Variants in STRA6 observed in about 807,000 individuals in gnomAD.
STRA6 encodes the protein signaling receptor and transporter of retinol STRA6.
In STRA6, 48 loss-of-function variants were observed where a neutral mutation model predicts 83.6. The ratio of observed to expected loss-of-function variants is 0.57; its 90% CI spans 0.46 to 0.73. STRA6 has a LOEUF of 0.73. Among genes scored for constraint, STRA6 ranks in the 30% least tolerant of loss-of-function variants. The pLI is 0.00. For missense variants in STRA6, 760 were observed against 838.8 expected, an observed-to-expected ratio of 0.91 and a Z score of 1.16; for synonymous variants, 353 against 362.3, an observed-to-expected ratio of 0.97 and a Z score of 0.29.
upstream of STRA6, chr15:74,203,000 T>G (rs1391734757): frequency 3.1e-6 from 3 of 955,652 alleles, no homozygotes; most frequent in Non-Finnish European, 3.7e-6. Flanking sequence ...TTCACACACA[T>G]ACCTGCCTTC....
intron 13 of STRA6, 126 bp from the exon 14 acceptor site, chr15:74,184,115 C>T: frequency 2.8e-6 from 4 of 1,425,294 alleles, no homozygotes; most frequent in Non-Finnish European, 3.8e-6. Context: ...CAGGGAAGCC[C>T]AGAACTGTGG....
upstream of STRA6, among the ~76,000 whole-genome samples, chr15:74,205,511 A>G (rs1051680192): frequency 6.6e-6 from 1 of 152,208 alleles, no homozygotes; most frequent in Admixed American, 6.5e-5. Context: ...TACCACAGGG[A>G]GGGCACCAAG....
upstream of STRA6, among the ~76,000 whole-genome samples, chr15:74,204,383 A>G (rs1456505720): frequency 6.6e-6 from 1 of 152,170 alleles, no homozygotes; most frequent in East Asian, 1.9e-4. Flanking sequence ...GCCAGTATTC[A>G]TTTGTGGGCC....
chr15:74,195,712 G>T, intron 5 of STRA6, 37 bp from the exon 6 acceptor site: 2 of 1,108,452 alleles, frequency 1.8e-6, no homozygotes, highest in Non-Finnish European at 2.7e-6. Context: ...ATTAGCAAGG[G>T]CAAAATGAGA....
chr15:74,193,923 C>G lies in STRA6; in HGVS notation c.598-1G>C. On this transcript the variant is annotated splice_acceptor_variant, in intron 7 of 18. Transcript: ENST00000395105. LOFTEE classifies it high-confidence loss of function. ...CCAGCAGGGAGTAGTACTTGTAGAT[C>G]TGGACAGACAAACACCCAGACAGAC... 1.2e-6 allele frequency: 2 copies of G among 1,613,188 alleles called. No individual in the cohort carries two copies. The highest frequency in any genetic ancestry group is 2.2e-5 in the South Asian group (2 of 91,066).
chr15:74,197,730 G>A (rs1184735453), intron 3 of STRA6, 22 bp downstream of exon 3: 2 of 1,612,468 alleles, frequency 1.2e-6, no homozygotes, highest in Non-Finnish European at 8.5e-7. Context: ...TGCAAGCCAG[G>A]TTCAACTTGG....
In STRA6 at chr15:74,208,902, A is replaced by T. The variant is rs142657944; in HGVS notation, c.-118T>A. Reference sequence around the variant, plus strand: ...CCCTCCAGGCAAGCAGGGTGCTCCCAACACGGGGCCTTCTCCTCTGAGCCC... The same window carrying T: ...CCCTCCAGGCAAGCAGGGTGCTCCCTACACGGGGCCTTCTCCTCTGAGCCC... On this transcript the variant is annotated 5_prime_UTR_variant, in exon 1 of 19. Coordinates refer to the STRA6 transcript ENST00000323940. 3.4e-3 allele frequency: 3,372 copies of T among 989,928 alleles called. 4 individuals carry two copies. Among genetic ancestry groups the T allele is most frequent in the Non-Finnish European group, 3.9e-3 (3,223 of 833,330 alleles). 61.3% of individuals were successfully genotyped at this position (989,928 alleles called of 1,614,324 possible).
Position 74,183,896 on chromosome 15 carries a change from C to G in STRA6, c.1260G>C (p.Trp420Cys), listed in dbSNP as rs772736406. The G allele has an allele frequency of 6.2e-6, 10 of 1,614,126 alleles. No homozygotes were observed. The highest frequency in any genetic ancestry group is 7.6e-6 in the Non-Finnish European group (9 of 1,180,038). ...CTGTCTGGTAGGCACTGAAGCTCAT[C>G]CAACAGAATATGGCTTGGCGGGAGG... ...PHPSRQAIFC[W>C]MSFSAYQTAF... The change falls in exon 14 of 19, where the codon TGG (tryptophan) becomes TGC (cysteine). Residue 420 changes from tryptophan to cysteine, a missense_variant. Coordinates refer to ENST00000395105, the MANE Select transcript of STRA6 (RefSeq NM_022369.4).
upstream of STRA6, among the ~76,000 whole-genome samples, chr15:74,205,719 C>A (rs577619350): frequency 2.6e-5 from 4 of 152,314 alleles, no homozygotes; most frequent in South Asian, 8.3e-4. Context: ...GAAAGGGACC[C>A]CAGCTGAGCC....
upstream of STRA6, chr15:74,209,707 G>T (rs1033358757): frequency 3.8e-5 from 18 of 472,340 alleles, no homozygotes; most frequent in Non-Finnish European, 6.4e-5. Context: ...CCTGAGCACA[G>T]GCTCTCCCTA....
At chr15:74,181,848 C>A (rs1222598445) in intron 16 of STRA6, among the ~76,000 whole-genome samples, 1 of 152,184 alleles carries the variant, frequency 6.6e-6, no homozygotes, top group Non-Finnish European at 1.5e-5. Context: ...ACAGGGAACT[C>A]CCTTGCTACA....
chr15:74,190,962 C>G (rs753096115), intron 10 of STRA6, 61 bp from the exon 11 acceptor site: 5 of 1,609,934 alleles, frequency 3.1e-6, no homozygotes, highest in African/African-American at 1.3e-5. Flanking sequence ...GAGCCCTCCT[C>G]CCTCCCAAGG....
In STRA6 at chr15:74,189,272, G is replaced by A; in HGVS notation, c.933C>T (p.Ala311=). The change falls in exon 12 of 19, where the codon GCC becomes GCT. Residue 311 remains alanine, a synonymous_variant. Transcript: ENST00000395105. ...TLTGTAIYQV[A]LLLLVGVVPT... is the part of the protein sequence containing the mutation. ...GTACCACGCCCACCAGCAGCAGCAG[G>A]GCCACCTGGAAGAGCCCCACAGTGA... 1 of 1,595,084 alleles carries A rather than the reference G, an allele frequency of 6.3e-7. No individual in the cohort carries two copies. Among genetic ancestry groups the A allele is most frequent in the Non-Finnish European group, 8.5e-7 (1 of 1,170,858 alleles).
chr15:74,202,262 C>A lies in STRA6; in HGVS notation c.6G>T (p.Ser2=), dbSNP rs143708162. 9 of 1,542,550 alleles carry A rather than the reference C, an allele frequency of 5.8e-6. No homozygotes were observed. Among genetic ancestry groups the A allele is most frequent in the Non-Finnish European group, 7.0e-6 (8 of 1,150,842 alleles). ...AGGTCTGGTTCCCTGCTGGCTGGGA[C>A]GACATTCTCTGGCCCTTCTCCTTTG... M[S]SQPAGNQTSP... is the part of the protein sequence containing the mutation. The change falls in exon 2 of 19, where the codon TCG becomes TCT. Residue 2 remains serine, a synonymous_variant. Transcript: ENST00000395105.
At chr15:74,197,509 A>G in intron 3 of STRA6, 86 bp from the exon 4 acceptor site, 2 of 1,234,104 alleles carry the variant, frequency 1.6e-6, no homozygotes, top group Middle Eastern at 2.5e-4. Context: ...AGGCCCCAGG[A>G]TATCCCCTAC....
At chr15:74,210,840 G>T (rs750014430), upstream of STRA6, among the ~76,000 whole-genome samples, 1 of 152,160 alleles carries the variant, frequency 6.6e-6, no homozygotes, top group Non-Finnish European at 1.5e-5. Flanking sequence ...TTCTCAAAAA[G>T]AGAGGTGTTC....
Position 74,202,161 on chromosome 15 carries a change from G to T in STRA6, c.107C>A (p.Pro36Gln). 1 of 1,504,074 alleles carries T rather than the reference G, an allele frequency of 6.6e-7. No homozygotes were observed. 93.2% of individuals were successfully genotyped at this position (1,504,074 alleles called of 1,614,324 possible). A position where few individuals can be genotyped will look rare whatever the true frequency, so the allele number is the denominator to read the frequency against. The change falls in exon 2 of 19, where the codon CCA becomes CAA. Residue 36 changes from proline (P) to glutamine (Q), a missense_variant. Pro to Gln is a moderately conservative substitution (Grantham distance 76, BLOSUM62 -1). Coordinates refer to ENST00000395105, the MANE Select transcript of STRA6 (RefSeq NM_022369.4). ...GGGGTGGTTCCACACTTACCCCTCT[G>T]GCTGGAGCTCCTCGCCCCCCTGGGG... ...DEPQGGEELQ[P>Q]EGEVPSCHTS...
Position 74,207,895 on chromosome 15 carries a change from G to A in STRA6, c.-16+905C>T, listed in dbSNP as rs947591544. ...ACACAGTGGGCTGGAAGGCAGTGTCGTCGGCTGCCGTGCTCACGGCAGGAA... is the reference window on the plus strand; with the variant it reads ...ACACAGTGGGCTGGAAGGCAGTGTCATCGGCTGCCGTGCTCACGGCAGGAA... On this transcript the variant is annotated intron_variant, in intron 1 of 18. Transcript: ENST00000323940. The A allele has an allele frequency of 6.0e-6, 9 of 1,493,410 alleles. No individual in the cohort carries two copies. In the Admixed American group the frequency reaches 6.1e-5, roughly 10 times the overall value. 92.5% of individuals were successfully genotyped at this position (1,493,410 alleles called of 1,614,324 possible).
intron 8 of STRA6, among the ~76,000 whole-genome samples, chr15:74,192,993 G>A (rs896804348): frequency 1.3e-5 from 2 of 152,160 alleles, no homozygotes; most frequent in African/African-American, 2.4e-5. Flanking sequence ...CACTGAGCCC[G>A]GGGCCTGACA....
Sources: gnomAD v4.1 joint callset for allele counts (sites outside exome capture counted in the v4.1 genomes callset) on GRCh38, gnomAD v4.1.1 for gene constraint, MANE v1.5 for transcripts, NCBI Gene and HGNC (gene_info 2026-07-23, HGNC 2026-07-21) for gene names.